Variants in VWF observed in about 807,000 individuals in gnomAD.
VWF encodes Factor VIII related antigen.
A neutral mutation model predicts 308.6 loss-of-function variants in VWF; 176 were observed. The ratio of observed to expected loss-of-function variants is 0.57; its 90% CI spans 0.50 to 0.65. The LOEUF is 0.65. Ranked by LOEUF, VWF falls within the 30% of genes least tolerant of loss-of-function variation. The pLI is 0.00. For missense variants in VWF, 3,146 were observed against 3,648.2 expected, an observed-to-expected ratio of 0.86 and a Z score of 3.55; for synonymous variants, 1,385 against 1,443.4, an observed-to-expected ratio of 0.96 and a Z score of 0.92.
intron 5 of VWF, among the ~76,000 whole-genome samples, chr12:6,107,575 A>G (rs756749978): frequency 1.3e-5 from 2 of 152,254 alleles, no homozygotes; most frequent in Non-Finnish European, 2.9e-5. Flanking sequence ...CTATACTAAT[A>G]TCAGACAGAT....
intron 47 of VWF, among the ~76,000 whole-genome samples, chr12:5,957,050 T>G (rs1943259793): frequency 6.6e-6 from 1 of 152,224 alleles, no homozygotes; most frequent in Non-Finnish European, 1.5e-5. Flanking sequence ...TATTTTTTAC[T>G]GTACCTTTTC....
At chr12:6,105,400 T>C (rs1945230732) in intron 5 of VWF, among the ~76,000 whole-genome samples, 1 of 152,146 alleles carries the variant, frequency 6.6e-6, no homozygotes, top group South Asian at 2.1e-4. Flanking sequence ...AGCTAATTTT[T>C]ATATTTTTAG....
rs1944096231 is a variant in VWF at position 6,018,988 on chromosome 12, G to C, written c.4430C>G (p.Thr1477Ser). The C allele has an allele frequency of 6.2e-7, 1 of 1,613,820 alleles. No homozygotes were observed. Among genetic ancestry groups the C allele is most frequent in the African/African-American group, 1.3e-5 (1 of 74,896 alleles). ...AACCCCCAAGAGCCCCGGGCCCACA[G>C]TGACTTGTGCCATGTCGGGGGGCAG... ...PTLPPDMAQV[T>S]VGPGLLGVST... The change falls in exon 28 of 52, where the codon ACT becomes AGT. Residue 1477 changes from threonine to serine, a missense_variant. Coordinates refer to ENST00000261405, the MANE Select transcript of VWF (RefSeq NM_000552.5).
chr12:6,063,104 T>C lies in VWF; in HGVS notation c.1433-50A>G, dbSNP rs1591894317. Reference sequence around the variant, plus strand: ...AGGCAGAGGTGGGGAGAGGACAGGGTGGTGGCAGGCAGATGTATTTGGGAG... The same window carrying C: ...AGGCAGAGGTGGGGAGAGGACAGGGCGGTGGCAGGCAGATGTATTTGGGAG... On this transcript the variant is annotated intron_variant, in intron 12 of 51. Coordinates refer to ENST00000261405, the MANE Select transcript of VWF (RefSeq NM_000552.5). This position sits in a 1 kb window ranked among gnomAD's most constrained non-coding sequence, Gnocchi z 4.9. 2.7e-6 allele frequency: 4 copies of C among 1,499,162 alleles called. No individual in the cohort carries two copies. Among genetic ancestry groups the C allele is most frequent in the African/African-American group, 2.7e-5 (2 of 73,304 alleles). The allele number at this position is 1,499,162 out of a possible 1,614,324, so 92.9% of individuals were successfully genotyped here.
rs766820467 is a variant in VWF, at chr12:6,019,689, C to G, written c.3729G>C (p.Leu1243=). 6.2e-7 allele frequency: 1 copy of G among 1,613,848 alleles called. No homozygotes were observed. The highest frequency in any genetic ancestry group is 1.1e-5 in the South Asian group (1 of 91,074). ...CCGGGGCATCTGTGGGAGGCACCAC[C>G]AGGCCTCCCGGCTCCTGGCAGGCTT... is the stretch of plus-strand genomic sequence containing the variant. The part of the protein sequence containing the change: ...TCEACQEPGG[L]VVPPTDAPVS... Residue 1243 remains leucine (L), a synonymous_variant, in exon 28 of 52, where the codon CTG becomes CTC. Coordinates refer to ENST00000261405, the MANE Select transcript of VWF (RefSeq NM_000552.5). The surrounding 1 kb of genome is among the most constrained non-coding windows in gnomAD (Gnocchi z 5.8).
At chr12:5,957,769 G>T (rs895497224) in intron 47 of VWF, among the ~76,000 whole-genome samples, 1 of 152,166 alleles carries the variant, frequency 6.6e-6, no homozygotes, top group South Asian at 2.1e-4. Context: ...GAAGGGAAAT[G>T]ATATAATATG....
chr12:6,040,152 G>A (rs1434524744), intron 18 of VWF, among the ~76,000 whole-genome samples: 4 of 152,098 alleles, frequency 2.6e-5, no homozygotes, highest in Non-Finnish European at 4.4e-5. Context: ...TACCCTTGCC[G>A]CCGGACTCAG....
At position 6,011,681 on chromosome 12, in the gene VWF, C is replaced by T. The variant is rs1352899352; in HGVS notation, c.5778G>A (p.Ser1926=). The change falls in exon 34 of 52, where the codon TCG becomes TCA. Residue 1926 remains serine (S), a synonymous_variant. Transcript: ENST00000261405. Reference sequence around the variant, plus strand: ...TAACAGGGGACTGGCTGTTAGGGCACGAAGGCCTCAGCCCCCGGTCACAGT... The same window carrying T: ...TAACAGGGGACTGGCTGTTAGGGCATGAAGGCCTCAGCCCCCGGTCACAGT... The part of the protein sequence containing the change: ...RVNCDRGLRP[S]CPNSQSPVKV... 4.3e-6 allele frequency: 7 copies of T among 1,613,692 alleles called. No individual in the cohort carries two copies. In the Admixed American group the frequency reaches 1.0e-4, roughly 23 times the overall value.
At position 5,949,055 on chromosome 12, in the gene VWF, G is replaced by A. The variant is rs267607369; in HGVS notation, c.8402C>T (p.Ala2801Val). The part of the protein sequence containing the change: ...GSVVYHEVLN[A>V]MECKCSPRKC... Reference sequence around the variant, plus strand: ...CCTGGGGGAGCATTTGCACTCCATGGCATTGAGAACCTCATGGTACACAAC... The same window carrying A: ...CCTGGGGGAGCATTTGCACTCCATGACATTGAGAACCTCATGGTACACAAC... Residue 2801 changes from alanine (A) to valine (V), a missense_variant, in exon 52 of 52, where the codon GCC (alanine) becomes GTC (valine). Ala to Val is a moderately conservative substitution (Grantham distance 64). Transcript: ENST00000261405. The A allele has an allele frequency of 6.2e-7, 1 of 1,614,076 alleles. No homozygotes were observed. The highest frequency in any genetic ancestry group is 8.5e-7 in the Non-Finnish European group (1 of 1,179,978).
In VWF at chr12:6,066,687, G is replaced by C. The variant is rs568394037; in HGVS notation, c.1157-1414C>G. 3.3e-5 allele frequency among the ~76,000 whole-genome samples: 5 copies of C among 152,354 alleles called. No individual in the cohort carries two copies. In the South Asian group the frequency reaches 1.0e-3, roughly 32 times the overall value. On this transcript the variant is annotated intron_variant, in intron 10 of 51. Coordinates refer to ENST00000261405, the MANE Select transcript of VWF (RefSeq NM_000552.5). ...AGGGTCCTACAGACCATCCTATGTG[G>C]GCCCAGCTCCAGGGGCTAATGCTAG...
chr12:6,106,530 T>C (rs918904585), intron 5 of VWF, among the ~76,000 whole-genome samples: 7 of 152,320 alleles, frequency 4.6e-5, no homozygotes, highest in African/African-American at 1.7e-4. Flanking sequence ...GTTGTACAAC[T>C]ACATGAATGT....
In VWF at chr12:6,024,688, T is replaced by C. The variant is rs1274272832; in HGVS notation, c.3222+892A>G. Among the ~76,000 whole-genome samples, 1 of 152,236 alleles carries C rather than the reference T, an allele frequency of 6.6e-6. No individual in the cohort carries two copies. Among genetic ancestry groups the C allele is most frequent in the Non-Finnish European group, 1.5e-5 (1 of 68,038 alleles). On this transcript the variant is annotated intron_variant, in intron 24 of 51. Coordinates refer to ENST00000261405, the MANE Select transcript of VWF (RefSeq NM_000552.5). The surrounding 1 kb of genome is among the most constrained non-coding windows in gnomAD (Gnocchi z 4.0). Reference sequence around the variant, plus strand: ...TCACATATGTCCATGTACAAGCCCATGTCCACATGTGTGTACACACATACA... The same window carrying C: ...TCACATATGTCCATGTACAAGCCCACGTCCACATGTGTGTACACACATACA...
chr12:6,018,580 G>A lies in VWF; in HGVS notation c.4838C>T (p.Ser1613Phe). 6.2e-7 allele frequency: 1 copy of A among 1,614,168 alleles called. No individual in the cohort carries two copies. Among genetic ancestry groups the A allele is most frequent in the Non-Finnish European group, 8.5e-7 (1 of 1,180,008 alleles). The part of the protein sequence containing the change: ...LVYMVTGNPA[S>F]DEIKRLPGDI... ...TCCAGGCAGCCTCTTGATCTCATCA[G>A]AGGCAGGATTTCCGGTGACCATGTA... is the stretch of plus-strand genomic sequence containing the variant. The change falls in exon 28 of 52, where the codon TCT (serine) becomes TTT (phenylalanine). Residue 1613 changes from serine to phenylalanine, a missense_variant. Physicochemically the swap from Ser to Phe is radical, Grantham distance 155 (BLOSUM62 -2). This residue lies in a region of VWF where 853 missense variants were observed against 1,177.8 expected (regional missense o/e 0.72). Transcript: ENST00000261405.
intron 21 of VWF, among the ~76,000 whole-genome samples, chr12:6,030,989 C>A (rs143298577): frequency 1.3e-5 from 2 of 152,230 alleles, no homozygotes; most frequent in African/African-American, 4.8e-5. Flanking sequence ...AGAGATCACA[C>A]CACTACACTC....
At position 6,075,810 on chromosome 12, in the gene VWF, T is replaced by A. The variant is rs1045426496; in HGVS notation, c.658-259A>T. ...AAATGCAGAGTCCAAGGCCCTGGAT[T>A]GCCATGGTGGGCAGTGTCCTAGGAA... On this transcript the variant is annotated intron_variant, in intron 6 of 51. Transcript: ENST00000261405. This position sits in a 1 kb window ranked among gnomAD's most constrained non-coding sequence, Gnocchi z 4.7. Among the ~76,000 whole-genome samples the A allele has an allele frequency of 5.9e-5, 9 of 152,226 alleles. No individual in the cohort carries two copies. Among genetic ancestry groups the A allele is most frequent in the Non-Finnish European group, 8.8e-5 (6 of 68,038 alleles).
chr12:6,084,661 T>G (rs1235942516), intron 6 of VWF, among the ~76,000 whole-genome samples: 2 of 152,070 alleles, frequency 1.3e-5, no homozygotes, highest in African/African-American at 4.8e-5. Flanking sequence ...AGGGGGACAT[T>G]CCTAGGACTG....
intron 34 of VWF, among the ~76,000 whole-genome samples, chr12:6,000,441 T>C (rs1943857934): frequency 6.6e-6 from 1 of 152,200 alleles, no homozygotes; most frequent in Non-Finnish European, 1.5e-5. Context: ...CCTTCTAGCA[T>C]CAATGCTATA....
At chr12:6,076,730 C>G (rs987350779) in intron 6 of VWF, among the ~76,000 whole-genome samples, 1 of 152,170 alleles carries the variant, frequency 6.6e-6, no homozygotes, top group Non-Finnish European at 1.5e-5. Context: ...AGAAACGACC[C>G]GTTTTGAGGA....
At chr12:5,982,290 T>C (rs1943615540) in intron 41 of VWF, among the ~76,000 whole-genome samples, 1 of 152,150 alleles carries the variant, frequency 6.6e-6, no homozygotes, top group South Asian at 2.1e-4. Context: ...GCGGGTTCCT[T>C]CATTCTCAGA....
Sources: allele counts gnomAD v4.1 joint callset (sites outside exome capture counted in the v4.1 genomes callset), GRCh38; gene constraint gnomAD v4.1.1; regional missense constraint gnomAD v4.1.1; non-coding constraint Gnocchi (gnomAD v3.1); transcripts MANE v1.5; gene names NCBI Gene and HGNC (gene_info 2026-07-23, HGNC 2026-07-21).